PLPPR5: variants seen among roughly 807,000 people sequenced by gnomAD.
PLPPR5 encodes the protein phospholipid phosphatase-related protein type 5.
In PLPPR5, 16 loss-of-function variants were observed where a neutral mutation model predicts 33.9. The ratio of observed to expected loss-of-function variants is 0.47; its 90% CI spans 0.32 to 0.72. The LOEUF (loss-of-function observed/expected upper bound fraction) is 0.72, where lower values mean the gene tolerates loss of function less well. PLPPR5 is among the 30% of genes least tolerant of loss of function. The probability of loss-of-function intolerance (pLI) is 0.03; values close to 1 mark genes in which losing one functional copy is unlikely to be tolerated. For missense variants in PLPPR5, 301 were observed against 406.7 expected, an observed-to-expected ratio of 0.74 and a Z score of 2.23; for synonymous variants, 163 against 150.3, an observed-to-expected ratio of 1.08 and a Z score of -0.62.
intron 4 of PLPPR5, among the ~76,000 whole-genome samples, chr1:98,919,135 C>G (rs977598767): frequency 1.3e-5 from 2 of 152,126 alleles, no homozygotes; most frequent in Non-Finnish European, 2.9e-5. Context: ...GAGGAGAAGT[C>G]ATTTTAAACA....
intron 4 of PLPPR5, among the ~76,000 whole-genome samples, chr1:98,919,418 A>G (rs1024111725): frequency 7.2e-5 from 11 of 152,276 alleles, no homozygotes; most frequent in African/African-American, 2.6e-4. Context: ...TTTTGGAATC[A>G]CTTTAGAATT....
At chr1:98,980,101 T>A (rs893150370) in intron 1 of PLPPR5, among the ~76,000 whole-genome samples, 5 of 152,044 alleles carry the variant, frequency 3.3e-5, no homozygotes, top group African/African-American at 1.2e-4. Flanking sequence ...TCAGGGATGC[T>A]CTAGACCCTT....
chr1:98,964,237 C>T (rs534914201), intron 1 of PLPPR5, among the ~76,000 whole-genome samples: 2 of 152,236 alleles, frequency 1.3e-5, no homozygotes, highest in African/African-American at 4.8e-5. Flanking sequence ...GTGAACCAAC[C>T]AATGAAAGCT....
intron 3 of PLPPR5, among the ~76,000 whole-genome samples, chr1:98,934,721 C>G (rs1650113785): frequency 6.6e-6 from 1 of 152,090 alleles, no homozygotes; most frequent in Non-Finnish European, 1.5e-5. Flanking sequence ...ACAGTTTCTT[C>G]TAAGTCTCAA....
chr1:98,990,709 A>G (rs1274699677), intron 1 of PLPPR5: 2 of 152,164 alleles, frequency 1.3e-5, no homozygotes, highest in African/African-American at 4.8e-5. Context: ...TAAAGACTTG[A>G]GTTTTGGAAA....
intron 1 of PLPPR5, among the ~76,000 whole-genome samples, chr1:98,966,863 G>C (rs1450467455): frequency 2.0e-5 from 3 of 152,108 alleles, no homozygotes; most frequent in Non-Finnish European, 4.4e-5. Context: ...TCTACAGACA[G>C]TAGCTCTCAA....
chr1:98,984,463 G>T (rs1304521192), intron 1 of PLPPR5, among the ~76,000 whole-genome samples: 2 of 152,034 alleles, frequency 1.3e-5, no homozygotes, highest in East Asian at 3.9e-4. Context: ...CTTACCAAAG[G>T]TAATTTAGAA....
intron 5 of PLPPR5, among the ~76,000 whole-genome samples, chr1:98,898,655 T>G (rs1648572478): frequency 6.6e-6 from 1 of 152,148 alleles, no homozygotes; most frequent in Non-Finnish European, 1.5e-5. Context: ...GATTCTAAAA[T>G]GTATGTTGAG....
chr1:98,994,971 C>G (rs951554007), intron 1 of PLPPR5, among the ~76,000 whole-genome samples: 1 of 152,008 alleles, frequency 6.6e-6, no homozygotes, highest in African/African-American at 2.4e-5. Flanking sequence ...TCACATCAGT[C>G]AGAATGGCTA....
At position 98,892,960 on chromosome 1, in the gene PLPPR5, AT is replaced by A; in HGVS notation, c.*111del. ...TGACATTGATTTTAAAATTATAAAAATTATTAAACAACTTTATAAACTTCAC... is the reference window on the plus strand; with the variant it reads ...TGACATTGATTTTAAAATTATAAAAATATTAAACAACTTTATAAACTTCAC... On this transcript the variant is annotated 3_prime_UTR_variant, in exon 6 of 6. Transcript: ENST00000263177. 1 of 1,055,556 alleles carries A rather than the reference AT, an allele frequency of 9.5e-7. No individual in the cohort carries two copies. Among genetic ancestry groups the A allele is most frequent in the Non-Finnish European group, 1.4e-6 (1 of 712,926 alleles). 65.4% of individuals were successfully genotyped at this position (1,055,556 alleles called of 1,614,324 possible). A position where few individuals can be genotyped will look rare whatever the true frequency, so the allele number is the denominator to read the frequency against.
intron 5 of PLPPR5, among the ~76,000 whole-genome samples, chr1:98,900,054 C>T (rs191558553): frequency 6.6e-6 from 1 of 152,198 alleles, no homozygotes; most frequent in East Asian, 1.9e-4. Context: ...AATGTAAAAT[C>T]CCAACTTAAC....
chr1:98,919,859 A>G (rs1156360923), intron 4 of PLPPR5, among the ~76,000 whole-genome samples: 2 of 152,212 alleles, frequency 1.3e-5, no homozygotes, highest in Non-Finnish European at 2.9e-5. Context: ...TTCGCTGAAC[A>G]TGCACTATTT....
At chr1:98,906,156 G>A (rs1388227348) in intron 5 of PLPPR5, among the ~76,000 whole-genome samples, 1 of 150,832 alleles carries the variant, frequency 6.6e-6, no homozygotes, top group Non-Finnish European at 1.5e-5. Context: ...TATATACACA[G>A]TGTGTGTATA....
chr1:98,967,463 G>A (rs531235439), intron 1 of PLPPR5, among the ~76,000 whole-genome samples: 3 of 152,232 alleles, frequency 2.0e-5, no homozygotes, highest in South Asian at 4.1e-4. Context: ...ATGAAGAAGG[G>A]ATGAGATTAG....
At chr1:98,923,818 T>C (rs1310137933) in intron 3 of PLPPR5, among the ~76,000 whole-genome samples, 4 of 152,172 alleles carry the variant, frequency 2.6e-5, no homozygotes, top group African/African-American at 4.8e-5. Flanking sequence ...GAGAAAACGA[T>C]GCTTTTGCCA....
intron 2 of PLPPR5, among the ~76,000 whole-genome samples, chr1:98,955,585 T>C (rs1236542564): frequency 2.0e-5 from 3 of 152,014 alleles, no homozygotes; most frequent in Non-Finnish European, 4.4e-5. Context: ...AAAATAACAA[T>C]CTTGGATATG....
chr1:98,924,292 A>G (rs927005791), intron 3 of PLPPR5, among the ~76,000 whole-genome samples: 1 of 152,194 alleles, frequency 6.6e-6, no homozygotes, highest in Non-Finnish European at 1.5e-5. Context: ...TATGAAGAGT[A>G]CACAATTTGA....
chr1:98,967,901 T>C (rs1651509258), intron 1 of PLPPR5, among the ~76,000 whole-genome samples: 1 of 152,082 alleles, frequency 6.6e-6, no homozygotes, highest in South Asian at 2.1e-4. Flanking sequence ...AATAGGGTAA[T>C]AGAGTTGTTT....
At chr1:98,984,742 T>G (rs1652192442) in intron 1 of PLPPR5, among the ~76,000 whole-genome samples, 1 of 151,990 alleles carries the variant, frequency 6.6e-6, no homozygotes, top group African/African-American at 2.4e-5. Flanking sequence ...TGAAAAGAAA[T>G]CTAAGATGTT....
Sources: allele counts gnomAD v4.1 joint callset (sites outside exome capture counted in the v4.1 genomes callset), GRCh38; gene constraint gnomAD v4.1.1; transcripts MANE v1.5; gene names NCBI Gene and HGNC (gene_info 2026-07-23, HGNC 2026-07-21).